The following RASA1 variants were observed in gnomAD, a reference collection of about 807,000 sequenced individuals.
RASA1 encodes ras GTPase-activating protein 1.
In RASA1, 25 loss-of-function variants were observed where a neutral mutation model predicts 132.2. The ratio of observed to expected loss-of-function variants is 0.19; its 90% CI spans 0.14 to 0.26. The LOEUF is 0.26. RASA1 is among the 10% of genes least tolerant of loss of function. The pLI, the probability that RASA1 is intolerant of heterozygous loss-of-function variation, is 1.00. For missense variants in RASA1, 964 were observed against 1,299.2 expected (o/e 0.74, Z 3.97); for synonymous variants, 477 against 449.9 (o/e 1.06, Z -0.76).
intron 17 of RASA1, 68 bp downstream of exon 17, chr5:87,377,108 C>T: frequency 1.3e-6 from 2 of 1,508,590 alleles, no homozygotes; most frequent in Non-Finnish European, 1.8e-6. Flanking sequence ...GATATATGGA[C>T]TCTATCTCTG....
intron 13 of RASA1, 43 bp downstream of exon 13, chr5:87,372,238 T>C (rs370633071): frequency 6.5e-7 from 1 of 1,547,774 alleles, no homozygotes. Flanking sequence ...CACATTTTGC[T>C]CTAACACTTT....
rs139066002 is a variant in RASA1, at chr5:87,320,546, CAGAG to C, written c.540-10797_540-10794del. ...AACATCTTCACATGGTGACAGGAGA[CAGAG>C]AGAGTAAAGTGGGGAAGCGCCACAC... On this transcript the variant is annotated intron_variant, in intron 1 of 24. Coordinates refer to ENST00000274376, the MANE Select transcript of RASA1 (RefSeq NM_002890.3). Among the ~76,000 whole-genome samples, 219 of 152,242 alleles carry C rather than the reference CAGAG, an allele frequency of 1.4e-3. 5 individuals are homozygous for C. The East Asian group carries it at 0.037, about 26-fold the overall frequency.
chr5:87,297,064 T>G (rs1443071602), intron 1 of RASA1, among the ~76,000 whole-genome samples: 1 of 152,202 alleles, frequency 6.6e-6, no homozygotes, highest in African/African-American at 2.4e-5. Flanking sequence ...AATGAAGCCA[T>G]TAAAGACATT....
intron 11 of RASA1, among the ~76,000 whole-genome samples, chr5:87,365,765 A>T (rs560589238): frequency 2.1e-4 from 32 of 151,760 alleles, no homozygotes; most frequent in Admixed American, 1.2e-3. Context: ...TAATTGCTAA[A>T]TTTTTTTTTA....
chr5:87,307,478 A>G (rs888283127), intron 1 of RASA1, among the ~76,000 whole-genome samples: 5 of 152,162 alleles, frequency 3.3e-5, no homozygotes, highest in Non-Finnish European at 7.4e-5. Flanking sequence ...CAACAACAAC[A>G]ACAACAACAA....
intron 12 of RASA1, among the ~76,000 whole-genome samples, chr5:87,370,397 CCTT>C (rs1444694608): frequency 2.0e-5 from 3 of 152,166 alleles, no homozygotes; most frequent in Admixed American, 6.6e-5. Context: ...TGTGCAGTGT[CCTT>C]CTTATAGCGT....
chr5:87,268,427 A>G lies in RASA1; in HGVS notation c.-25A>G. The G allele has an allele frequency of 2.6e-6, 4 of 1,525,328 alleles. No individual in the cohort carries two copies. The highest frequency in any genetic ancestry group is 4.9e-5 in the East Asian group (2 of 40,480). The allele number at this position is 1,525,328 out of a possible 1,614,324, so 94.5% of individuals were successfully genotyped here. A position where few individuals can be genotyped will look rare whatever the true frequency, so the allele number is the denominator to read the frequency against. On this transcript the variant is annotated 5_prime_UTR_variant, in exon 1 of 25. Transcript: ENST00000274376. ...CCTGGGGCTCCCGGGCGGGCAGGGT[A>G]GGGCAGAGTAGAGCGGGCTTCAACA...
chr5:87,268,293 G>GA lies in RASA1; in HGVS notation c.-158dup. ...TGGGGAGCCTGGGCTGTGGCCCTAG[G>GA]AGGGGGCGCGGCGGCGGGCTCTCTC... On this transcript the variant is annotated 5_prime_UTR_variant, in exon 1 of 25. Transcript: ENST00000274376. The GA allele has an allele frequency of 9.2e-7, 1 of 1,084,900 alleles. No homozygotes were observed. Among genetic ancestry groups the GA allele is most frequent in the Non-Finnish European group, 1.3e-6 (1 of 781,334 alleles). The allele number at this position is 1,084,900 out of a possible 1,614,324, so 67.2% of individuals were successfully genotyped here.
intron 12 of RASA1, among the ~76,000 whole-genome samples, chr5:87,371,366 T>C (rs947226735): frequency 4.6e-5 from 7 of 152,058 alleles, no homozygotes; most frequent in African/African-American, 1.7e-4. Flanking sequence ...TTCAGCTTCA[T>C]TGAAATAGCC....
intron 18 of RASA1, among the ~76,000 whole-genome samples, chr5:87,379,520 G>C (rs1359641163): frequency 1.3e-5 from 2 of 152,106 alleles, no homozygotes; most frequent in Non-Finnish European, 2.9e-5. Context: ...TTGCTTTTCA[G>C]TTGGCTAATT....
intron 1 of RASA1, among the ~76,000 whole-genome samples, chr5:87,285,358 C>G (rs368790024): frequency 1.3e-5 from 2 of 151,594 alleles, no homozygotes; most frequent in Non-Finnish European, 2.9e-5. Context: ...TGAGCCACCG[C>G]GCCTGGCAAT....
intron 1 of RASA1, among the ~76,000 whole-genome samples, chr5:87,279,122 A>T (rs189575159): frequency 2.3e-4 from 35 of 152,202 alleles, no homozygotes; most frequent in Non-Finnish European, 4.0e-4. Flanking sequence ...TGCACACCAT[A>T]GTCCCAGCTA....
At chr5:87,301,549 A>T (rs1280632994) in intron 1 of RASA1, among the ~76,000 whole-genome samples, 1 of 152,136 alleles carries the variant, frequency 6.6e-6, no homozygotes, top group Non-Finnish European at 1.5e-5. Flanking sequence ...TGTATCCTAG[A>T]TTATTTCTGA....
At chr5:87,303,902 C>T (rs1402036032) in intron 1 of RASA1, among the ~76,000 whole-genome samples, 2 of 147,562 alleles carry the variant, frequency 1.4e-5, no homozygotes, top group African/African-American at 2.5e-5. Flanking sequence ...GGCGCGATCT[C>T]GGCTCACTGC....
intron 23 of RASA1, among the ~76,000 whole-genome samples, chr5:87,388,380 T>G (rs1762214844): frequency 1.3e-5 from 2 of 152,320 alleles, no homozygotes; most frequent in South Asian, 4.1e-4. Flanking sequence ...TGGCATTTAG[T>G]GTCGATAATA....
rs115086172 is a variant in RASA1, at chr5:87,390,980, A to G, written c.*97A>G. 0.013 allele frequency: 15,784 copies of G among 1,202,542 alleles called. 138 individuals carry two copies. Among genetic ancestry groups the G allele is most frequent in the South Asian group, 0.028 (2,275 of 80,376 alleles). The allele number at this position is 1,202,542 out of a possible 1,614,324, so 74.5% of individuals were successfully genotyped here. ...CTTTGCTCTTGCCAAAAAATAGCACACTTTTCCACATTCCAGTGATGTGTG... is the reference window on the plus strand; with the variant it reads ...CTTTGCTCTTGCCAAAAAATAGCACGCTTTTCCACATTCCAGTGATGTGTG... On this transcript the variant is annotated 3_prime_UTR_variant, in exon 25 of 25. Transcript: ENST00000274376.
At chr5:87,283,133 TTGTTTTTTTTTTG>T (rs1008757278) in intron 1 of RASA1, among the ~76,000 whole-genome samples, 2 of 141,370 alleles carry the variant, frequency 1.4e-5, no homozygotes, top group East Asian at 2.1e-4. Context: ...CTAGTAAGTT[TTGTTTTTTTTTTG>T]TGTTTTTTTT....
chr5:87,337,711 A>G (rs1758073452), intron 4 of RASA1, among the ~76,000 whole-genome samples: 1 of 152,090 alleles, frequency 6.6e-6, no homozygotes, highest in Non-Finnish European at 1.5e-5. Flanking sequence ...TGAATCTAAC[A>G]ATAATTCAGT....
intron 8 of RASA1, among the ~76,000 whole-genome samples, chr5:87,350,157 GAAAA>G (rs1245122052): frequency 6.6e-6 from 1 of 151,720 alleles, no homozygotes; most frequent in Non-Finnish European, 1.5e-5. Context: ...TTGTTTATCT[GAAAA>G]AAACCAAAAA....
Sources: allele counts gnomAD v4.1 joint callset (sites outside exome capture counted in the v4.1 genomes callset), GRCh38; gene constraint gnomAD v4.1.1; transcripts MANE v1.5; gene names NCBI Gene and HGNC (gene_info 2026-07-23, HGNC 2026-07-21).